DIS3L2: variants seen among roughly 807,000 people sequenced by gnomAD.
The protein encoded by DIS3L2 is DIS3-like exonuclease 2.
Under a neutral mutation model 97.5 loss-of-function variants are expected in DIS3L2, and 34 were observed. The ratio of observed to expected loss-of-function variants is 0.35; its 90% CI spans 0.27 to 0.46. The LOEUF is 0.46. Among genes scored for constraint, DIS3L2 ranks in the 20% least tolerant of loss-of-function variants. The probability of loss-of-function intolerance (pLI) is 1.00; values close to 1 mark genes in which losing one functional copy is unlikely to be tolerated. For missense variants in DIS3L2, 1,038 were observed against 1,146.0 expected, an observed-to-expected ratio of 0.91 and a Z score of 1.36; for synonymous variants, 435 against 445.2, an observed-to-expected ratio of 0.98 and a Z score of 0.29.
intron 13 of DIS3L2, among the ~76,000 whole-genome samples, chr2:232,274,941 A>C (rs1428624719): frequency 1.3e-5 from 2 of 152,134 alleles, no homozygotes; most frequent in East Asian, 3.9e-4. Flanking sequence ...TTTGATCTCA[A>C]ACCAGCCTGT....
chr2:232,130,627 G>A lies in DIS3L2; in HGVS notation c.610G>A (p.Asp204Asn), dbSNP rs767490286. 34 of 1,610,412 alleles carry A rather than the reference G, an allele frequency of 2.1e-5. No individual in the cohort carries two copies. The South Asian group carries it at 3.8e-4, about 18-fold the overall frequency. Reference sequence around the variant, plus strand: ...TTATCTTTTTAATGTAGGAAGAGAGGATGGTGATGCACCGGTTACAAAAGA... The same window carrying A: ...TTATCTTTTTAATGTAGGAAGAGAGAATGGTGATGCACCGGTTACAAAAGA... The part of the protein sequence containing the change: ...SVCVSEKGRE[D>N]GDAPVTKDET... Residue 204 changes from aspartate (D) to asparagine (N), a missense_variant, in exon 7 of 21, where the codon GAT (aspartate) becomes AAT (asparagine). By Grantham distance (23) the Asp-to-Asn change is conservative. Coordinates refer to ENST00000325385, the MANE Select transcript of DIS3L2 (RefSeq NM_152383.5).
At chr2:232,095,282 T>A (rs1330991998) in intron 6 of DIS3L2, among the ~76,000 whole-genome samples, 1 of 152,220 alleles carries the variant, frequency 6.6e-6, no homozygotes, top group Non-Finnish European at 1.5e-5. Flanking sequence ...TCTGGTAATA[T>A]GATATAATTC....
chr2:232,196,968 A>G (rs1057110997), intron 9 of DIS3L2, among the ~76,000 whole-genome samples: 1 of 152,070 alleles, frequency 6.6e-6, no homozygotes, highest in Non-Finnish European at 1.5e-5. Context: ...GTTCCCTGAG[A>G]AGTCTCTTTG....
chr2:232,274,845 A>AT (rs1694099246), intron 13 of DIS3L2, among the ~76,000 whole-genome samples: 1 of 152,236 alleles, frequency 6.6e-6, no homozygotes, highest in Non-Finnish European at 1.5e-5. Context: ...AGACGACATA[A>AT]TTTCACAATA....
At chr2:232,165,070 G>A (rs542380182) in intron 9 of DIS3L2, among the ~76,000 whole-genome samples, 2 of 152,260 alleles carry the variant, frequency 1.3e-5, no homozygotes, top group African/African-American at 2.4e-5. Flanking sequence ...AACTCTACTC[G>A]AAGTGTACAA....
At chr2:232,313,834 A>G (rs1254644602) in intron 14 of DIS3L2, among the ~76,000 whole-genome samples, 1 of 152,204 alleles carries the variant, frequency 6.6e-6, no homozygotes, top group Non-Finnish European at 1.5e-5. Context: ...AGCAAGTCAC[A>G]TCTTACAAGG....
intron 5 of DIS3L2, among the ~76,000 whole-genome samples, chr2:232,039,862 C>G (rs35570085): frequency 0.11 from 17,268 of 152,144 alleles, 1,331 homozygotes; most frequent in Middle Eastern, 0.18. Flanking sequence ...GATCATGTCC[C>G]CAAATGGTTA....
intron 5 of DIS3L2, among the ~76,000 whole-genome samples, chr2:232,040,594 C>T (rs527953189): frequency 6.6e-6 from 1 of 152,250 alleles, no homozygotes; most frequent in East Asian, 1.9e-4. Context: ...TATTTTCCTT[C>T]TCTTAATACC....
intron 9 of DIS3L2, among the ~76,000 whole-genome samples, chr2:232,181,805 T>TTTTGTTTG (rs145378684): frequency 1.3e-5 from 2 of 151,644 alleles, no homozygotes; most frequent in Admixed American, 1.3e-4. Context: ...CCCAGCTAAT[T>TTTTGTTTG]TTTGTTTGTT....
chr2:232,199,996 G>A (rs1036559081), intron 9 of DIS3L2, among the ~76,000 whole-genome samples: 5 of 152,174 alleles, frequency 3.3e-5, no homozygotes, highest in Admixed American at 6.5e-5. Context: ...TTAAGCACTC[G>A]AACTATATAC....
intron 1 of DIS3L2, among the ~76,000 whole-genome samples, chr2:231,995,404 C>T (rs996789832): frequency 1.3e-5 from 2 of 152,166 alleles, no homozygotes; most frequent in African/African-American, 4.8e-5. Context: ...TCAGAGGAGA[C>T]TTTCCTATGG....
At chr2:232,181,418 G>T (rs1193017868) in intron 9 of DIS3L2, among the ~76,000 whole-genome samples, 1 of 152,092 alleles carries the variant, frequency 6.6e-6, no homozygotes, top group African/African-American at 2.4e-5. Flanking sequence ...TTCCAACTTG[G>T]TTCCATTCTC....
At position 232,336,461 on chromosome 2, in the gene DIS3L2, C is replaced by T. The variant is rs1483187632; in HGVS notation, c.2497-8C>T. On this transcript the variant is annotated splice_polypyrimidine_tract_variant and splice_region_variant and intron_variant, in intron 20 of 20. Transcript: ENST00000325385. Reference sequence around the variant, plus strand: ...ATCCTTGTCCCCTCACGGCTGGGCTCTGCACAGGTCATCACCATCTTCAGC... The same window carrying T: ...ATCCTTGTCCCCTCACGGCTGGGCTTTGCACAGGTCATCACCATCTTCAGC... The T allele has an allele frequency of 6.2e-7, 1 of 1,608,294 alleles. No individual in the cohort carries two copies. The highest frequency in any genetic ancestry group is 2.2e-5 in the East Asian group (1 of 44,588).
chr2:232,284,487 C>T (rs575719702), intron 13 of DIS3L2, among the ~76,000 whole-genome samples: 5 of 152,302 alleles, frequency 3.3e-5, no homozygotes, highest in Non-Finnish European at 5.9e-5. Context: ...AATTTTACTC[C>T]CAACTTTGCA....
In DIS3L2 at chr2:232,335,786, G is replaced by A. The variant is rs764157950; in HGVS notation, c.2408G>A (p.Arg803Gln). 9.0e-6 allele frequency: 14 copies of A among 1,550,384 alleles called. No homozygotes were observed. The East Asian group carries it at 1.7e-4, about 19-fold the overall frequency. ...TTTGCACTCCAGGCACTGGCCCTGC[G>A]GTCCCACCACTTCCAGAAGGTGGGC... ...KRIYCNALALRSHHFQKVGKK... is the reference protein window; with the variant it reads ...KRIYCNALALQSHHFQKVGKK... The change falls in exon 20 of 21, where the codon CGG becomes CAG. Residue 803 changes from arginine to glutamine, a missense_variant. Transcript: ENST00000325385.
chr2:232,077,806 A>T (rs1158914264), intron 5 of DIS3L2, among the ~76,000 whole-genome samples: 1 of 152,152 alleles, frequency 6.6e-6, no homozygotes, highest in African/African-American at 2.4e-5. Context: ...TGTCAGTAAT[A>T]TATCTGCTAT....
intron 1 of DIS3L2, among the ~76,000 whole-genome samples, chr2:231,995,703 G>A (rs1486311961): frequency 3.3e-5 from 5 of 152,116 alleles, no homozygotes; most frequent in African/African-American, 9.7e-5. Context: ...AGCTCCTGGG[G>A]ATTTTCTTTT....
intron 5 of DIS3L2, among the ~76,000 whole-genome samples, chr2:232,035,026 A>C (rs759890837): frequency 6.6e-6 from 1 of 151,948 alleles, no homozygotes; most frequent in Non-Finnish European, 1.5e-5. Flanking sequence ...TATCCTTGTT[A>C]ATTTTTTGTC....
At chr2:232,102,001 T>C (rs983470823) in intron 6 of DIS3L2, among the ~76,000 whole-genome samples, 19 of 152,242 alleles carry the variant, frequency 1.2e-4, no homozygotes, top group Admixed American at 1.0e-3. Flanking sequence ...AATGTCCTTT[T>C]ATAGTGGACA....
Sources: gnomAD v4.1 joint callset for allele counts (sites outside exome capture counted in the v4.1 genomes callset) on GRCh38, gnomAD v4.1.1 for gene constraint, MANE v1.5 for transcripts, NCBI Gene and HGNC (gene_info 2026-07-23, HGNC 2026-07-21) for gene names.